Variants in LDLRAD3 observed in about 807,000 individuals in gnomAD.
LDLRAD3 encodes the protein low-density lipoprotein receptor class A domain-containing protein 3.
Under a neutral mutation model 29.4 loss-of-function variants are expected in LDLRAD3, and 20 were observed. The ratio of observed to expected loss-of-function variants is 0.68; its 90% CI spans 0.48 to 0.99. LDLRAD3 has a LOEUF of 0.99. Among genes scored for constraint, LDLRAD3 ranks in the 50% least tolerant of loss-of-function variants. The pLI, the probability that LDLRAD3 is intolerant of heterozygous loss-of-function variation, is 0.00. For synonymous variants in LDLRAD3, 157 were observed against 192.7 expected, an observed-to-expected ratio of 0.81 and a Z score of 1.53; for missense variants, 420 against 454.3, an observed-to-expected ratio of 0.92 and a Z score of 0.69.
At chr11:36,071,278 G>T (rs1238320825) in intron 2 of LDLRAD3, among the ~76,000 whole-genome samples, 1 of 152,182 alleles carries the variant, frequency 6.6e-6, no homozygotes, top group East Asian at 1.9e-4. Context: ...ACAATCCTAG[G>T]CTGGAGGCTT....
chr11:36,005,790 G>A (rs1383113207), intron 1 of LDLRAD3, among the ~76,000 whole-genome samples: 1 of 152,150 alleles, frequency 6.6e-6, no homozygotes, highest in Non-Finnish European at 1.5e-5. Context: ...ATGACTAGGA[G>A]GCCTCAGGCA....
chr11:36,137,667 A>C (rs1854022520), intron 4 of LDLRAD3, among the ~76,000 whole-genome samples: 1 of 152,366 alleles, frequency 6.6e-6, no homozygotes, highest in Non-Finnish European at 1.5e-5. Context: ...GTAGATCAAT[A>C]CAGTATATGC....
intron 4 of LDLRAD3, among the ~76,000 whole-genome samples, chr11:36,183,627 C>G (rs918979211): frequency 6.6e-6 from 1 of 152,098 alleles, no homozygotes; most frequent in African/African-American, 2.4e-5. Context: ...ATTGCATGTT[C>G]CTGGGACTCA....
chr11:35,990,805 C>A (rs1851679909), intron 1 of LDLRAD3, among the ~76,000 whole-genome samples: 1 of 152,196 alleles, frequency 6.6e-6, no homozygotes. Context: ...TTAGAACTCA[C>A]CTTGATCCAG....
At chr11:36,027,040 C>G (rs1370685608) in intron 1 of LDLRAD3, among the ~76,000 whole-genome samples, 1 of 152,216 alleles carries the variant, frequency 6.6e-6, no homozygotes, top group East Asian at 1.9e-4. Flanking sequence ...CAAGAACCCT[C>G]TCTTGGAGTT....
chr11:35,967,519 A>C lies in LDLRAD3; in HGVS notation c.46+23375A>C, dbSNP rs181262195. 75 of 364,538 alleles carry C rather than the reference A, an allele frequency of 2.1e-4. 1 individual carries two copies. The highest frequency in any genetic ancestry group is 1.4e-3 in the African/African-American group (67 of 46,658). The allele number at this position is 364,538 out of a possible 1,614,324, so 22.6% of individuals were successfully genotyped here. A position where few individuals can be genotyped will look rare whatever the true frequency, so the allele number is the denominator to read the frequency against. On this transcript the variant is annotated intron_variant, in intron 1 of 5. Coordinates refer to ENST00000315571, the MANE Select transcript of LDLRAD3 (RefSeq NM_174902.4). ...AAATCTCATTTGCTAGGCAGCAACTATCTGCTTTTTCCACTTTGAGTTTGC... is the reference window on the plus strand; with the variant it reads ...AAATCTCATTTGCTAGGCAGCAACTCTCTGCTTTTTCCACTTTGAGTTTGC...
At chr11:35,984,335 T>A (rs1419624152) in intron 1 of LDLRAD3, among the ~76,000 whole-genome samples, 1 of 152,076 alleles carries the variant, frequency 6.6e-6, no homozygotes, top group East Asian at 1.9e-4. Flanking sequence ...GCCTGTGAAG[T>A]GGTTTATTGC....
intron 4 of LDLRAD3, among the ~76,000 whole-genome samples, chr11:36,195,750 C>T (rs1247389950): frequency 6.6e-6 from 1 of 152,150 alleles, no homozygotes; most frequent in Non-Finnish European, 1.5e-5. Context: ...GGCTCCCCTC[C>T]TCAGTCACCC....
At chr11:36,026,903 T>A (rs1174316163) in intron 1 of LDLRAD3, among the ~76,000 whole-genome samples, 1 of 152,204 alleles carries the variant, frequency 6.6e-6, no homozygotes, top group African/African-American at 2.4e-5. Context: ...ACCATAAAAA[T>A]GAGCAACCAG....
chr11:36,099,358 A>T (rs1025536270), intron 4 of LDLRAD3, among the ~76,000 whole-genome samples: 2 of 152,182 alleles, frequency 1.3e-5, no homozygotes, highest in African/African-American at 4.8e-5. Context: ...TAAAATGCAC[A>T]TCTGTTTTAA....
At chr11:36,215,243 G>A (rs58341682) in intron 4 of LDLRAD3, among the ~76,000 whole-genome samples, 5,729 of 152,324 alleles carry the variant, frequency 0.038, 370 homozygotes, top group African/African-American at 0.13. Context: ...GGAAGTCAGA[G>A]TAGCAACGGG....
At chr11:36,120,399 A>T (rs1026595108) in intron 4 of LDLRAD3, among the ~76,000 whole-genome samples, 3 of 152,172 alleles carry the variant, frequency 2.0e-5, no homozygotes, top group African/African-American at 7.2e-5. Flanking sequence ...CAGTAGTTGT[A>T]CTCATTGGAA....
chr11:36,224,659 T>C (rs548979473), intron 4 of LDLRAD3, among the ~76,000 whole-genome samples: 2 of 152,182 alleles, frequency 1.3e-5, no homozygotes. Context: ...ACTTGGAGAA[T>C]CTTTGTAGCT....
chr11:36,005,915 G>T (rs1851879369), intron 1 of LDLRAD3, among the ~76,000 whole-genome samples: 1 of 152,146 alleles, frequency 6.6e-6, no homozygotes, highest in African/African-American at 2.4e-5. Flanking sequence ...CAGATCTCAT[G>T]AGAACTTGCT....
In LDLRAD3 at chr11:35,944,573, T is replaced by G. The variant is rs960090806; in HGVS notation, c.46+429T>G. ...CTGGTCGCGCGCGGCTGCGTTAGCC[T>G]CCTCTGGGCCTCTTCCCGAGTCTCT... On this transcript the variant is annotated intron_variant, in intron 1 of 5. Transcript: ENST00000315571. This position sits in a 1 kb window ranked among gnomAD's most constrained non-coding sequence, Gnocchi z 4.9. Among the ~76,000 whole-genome samples, 10 of 152,124 alleles carry G rather than the reference T, an allele frequency of 6.6e-5. No homozygotes were observed. Among genetic ancestry groups the G allele is most frequent in the Admixed American group, 1.3e-4 (2 of 15,288 alleles).
At chr11:36,148,568 AGTCATGGAGT>A (rs1280143487) in intron 4 of LDLRAD3, among the ~76,000 whole-genome samples, 1 of 152,082 alleles carries the variant, frequency 6.6e-6, no homozygotes, top group African/African-American at 2.4e-5. Context: ...CTGTGTTTAG[AGTCATGGAGT>A]TGGAGGAGGT....
chr11:35,978,722 C>T (rs1306622143), intron 1 of LDLRAD3, among the ~76,000 whole-genome samples: 1 of 152,164 alleles, frequency 6.6e-6, no homozygotes, highest in East Asian at 1.9e-4. Context: ...AAATTGATCA[C>T]CAGCTGAGTC....
chr11:36,027,331 G>C (rs1852180186), intron 1 of LDLRAD3, among the ~76,000 whole-genome samples: 1 of 152,096 alleles, frequency 6.6e-6, no homozygotes, highest in South Asian at 2.1e-4. Flanking sequence ...TTTTTCTACT[G>C]GGCTGCTTGT....
intron 4 of LDLRAD3, among the ~76,000 whole-genome samples, chr11:36,181,720 T>G (rs1329134375): frequency 6.6e-6 from 1 of 152,234 alleles, no homozygotes; most frequent in Non-Finnish European, 1.5e-5. Context: ...ATTACAGCTT[T>G]CCTTCTCTCC....
Sources: gnomAD v4.1 joint callset for allele counts (sites outside exome capture counted in the v4.1 genomes callset) on GRCh38, gnomAD v4.1.1 for gene constraint, Gnocchi (gnomAD v3.1) non-coding constraint, MANE v1.5 for transcripts, NCBI Gene and HGNC (gene_info 2026-07-23, HGNC 2026-07-21) for gene names.